The following MORF4L2 variants were observed in gnomAD, a reference collection of about 807,000 sequenced individuals.
The protein encoded by MORF4L2 is mortality factor 4-like protein 2.
MORF4L2 carries 1 observed loss-of-function variant against 12.0 expected under a neutral mutation model. The ratio of observed to expected loss-of-function variants is 0.08; its 90% CI spans 0.03 to 0.40. MORF4L2 has a LOEUF of 0.40. Ranked by LOEUF, MORF4L2 falls within the 10% of genes least tolerant of loss-of-function variation. MORF4L2 has a pLI of 0.98. For synonymous variants in MORF4L2, 69 were observed against 81.6 expected (o/e 0.85, Z 0.83); for missense variants, 123 against 214.0 (o/e 0.57, Z 2.65).
At chrX:103,687,116 TC>T (rs1269263132), upstream of MORF4L2, among the ~76,000 whole-genome samples, 1 of 108,426 alleles carries the variant, frequency 9.2e-6, no homozygotes, top group East Asian at 2.9e-4. Context: ...TTTTTTTTTT[TC>T]CTGCAGGGAG....
chrX:103,677,340 G>T (rs1214175438), intron 3 of MORF4L2, among the ~76,000 whole-genome samples: 1 of 111,978 alleles, frequency 8.9e-6, no homozygotes, highest in Non-Finnish European at 1.9e-5. Flanking sequence ...AAGAAAGAAG[G>T]AATTAAATGA....
chrX:103,677,497 A>G, intron 3 of MORF4L2, among the ~76,000 whole-genome samples: 1 of 112,407 alleles, frequency 8.9e-6, no homozygotes, highest in South Asian at 3.7e-4. Flanking sequence ...GGCCTGAATT[A>G]GGATGATGAC....
Position 103,676,847 on chromosome X carries a change from C to T in MORF4L2, c.181G>A (p.Gly61Ser), listed in dbSNP as rs1462468988. Residue 61 changes from glycine to serine, a missense_variant, in exon 4 of 4, where the codon GGT (glycine) becomes AGT (serine). Physicochemically the swap from Gly to Ser is moderately conservative, Grantham distance 56 (BLOSUM62 0). Coordinates refer to ENST00000441076, the MANE Select transcript of MORF4L2 (RefSeq NM_012286.3). The part of the protein sequence containing the change: ...LEPALPGRWG[G>S]RSAENPPSGS... The stretch of plus-strand genomic sequence containing the variant: ...GAAGGGGGGTTCTCTGCAGAGCGAC[C>T]ACCCCATCTTCCTGGGAGAGCTGGT... 8.3e-7 allele frequency: 1 copy of T among 1,202,794 alleles called. No individual in the cohort carries two copies. Among genetic ancestry groups the T allele is most frequent in the Non-Finnish European group, 1.1e-6 (1 of 893,416 alleles).
chrX:103,686,042 T>C (rs1365686240), intron 1 of MORF4L2, among the ~76,000 whole-genome samples: 1 of 109,766 alleles, frequency 9.1e-6, no homozygotes, highest in Non-Finnish European at 1.9e-5. Flanking sequence ...GTGTGTTCGA[T>C]TCAGGATCCA....
chrX:103,686,922 C>T (rs1323501540), upstream of MORF4L2: 1 of 110,377 alleles, frequency 9.1e-6, no homozygotes, highest in Non-Finnish European at 1.9e-5. Flanking sequence ...CAAACCAATC[C>T]TCTTCCTCCG....
intron 2 of MORF4L2, among the ~76,000 whole-genome samples, chrX:103,682,024 T>A (rs1269955862): frequency 9.0e-6 from 1 of 111,617 alleles, no homozygotes; most frequent in Non-Finnish European, 1.9e-5. Context: ...AATCTTTTCA[T>A]GTACATTCAC....
Position 103,676,060 on chromosome X carries a change from T to C in MORF4L2, c.*101A>G. On this transcript the variant is annotated 3_prime_UTR_variant, in exon 4 of 4. Coordinates refer to ENST00000441076, the MANE Select transcript of MORF4L2 (RefSeq NM_012286.3). ...ACAAACTGAAACATAAGCCCTGTTA[T>C]ACATTAACGATTTTAAAGAACATCA... 2 of 859,241 alleles carry C rather than the reference T, an allele frequency of 2.3e-6. No individual in the cohort carries two copies. The highest frequency in any genetic ancestry group is 1.6e-6 in the Non-Finnish European group (1 of 611,187). 70.8% of individuals were successfully genotyped at this position (859,241 alleles called of 1,213,427 possible).
chrX:103,686,305 T>C (rs2147705168), intron 1 of MORF4L2, among the ~76,000 whole-genome samples: 1 of 112,016 alleles, frequency 8.9e-6, no homozygotes, highest in East Asian at 2.8e-4. Flanking sequence ...AGCGAATTTA[T>C]ATAATTTATA....
At chrX:103,681,974 C>A (rs906411952) in intron 2 of MORF4L2, among the ~76,000 whole-genome samples, 10 of 110,980 alleles carry the variant, frequency 9.0e-5, no homozygotes, top group African/African-American at 2.9e-4. Flanking sequence ...CTCTCCCACC[C>A]CAATCCTAGG....
rs2074069544 is a variant in MORF4L2, at chrX:103,685,190, G to A, written c.-197C>T. On this transcript the variant is annotated 5_prime_UTR_variant, in exon 2 of 4. Coordinates refer to ENST00000441076, the MANE Select transcript of MORF4L2 (RefSeq NM_012286.3). ...ACTTACCCAAGATTCTGTAATCAGG[G>A]AAGGTTCTGCAATCAGGATCAGATC... 8.9e-6 allele frequency: 1 copy of A among 112,262 alleles called. No individual in the cohort carries two copies. 9.3% of individuals were successfully genotyped at this position (112,262 alleles called of 1,213,427 possible).
At chrX:103,683,308 C>T (rs1302014078) in intron 2 of MORF4L2, among the ~76,000 whole-genome samples, 2 of 111,974 alleles carry the variant, frequency 1.8e-5, no homozygotes, top group Non-Finnish European at 3.8e-5. Context: ...CCACACACCG[C>T]GGCCTCCCAA....
At chrX:103,683,157 C>T (rs1222455437) in intron 2 of MORF4L2, among the ~76,000 whole-genome samples, 1 of 110,906 alleles carries the variant, frequency 9.0e-6, no homozygotes, top group East Asian at 2.8e-4. Flanking sequence ...TGGCTCACTG[C>T]AACCTCCGCC....
chrX:103,685,282 C>A (rs1245774624), intron 1 of MORF4L2, 22 bp from the exon 2 acceptor site: 1 of 110,665 alleles, frequency 9.0e-6, no homozygotes, highest in Admixed American at 9.5e-5. Flanking sequence ...AACAAAAGGA[C>A]AAGAAAGAAC....
intron 1 of MORF4L2, among the ~76,000 whole-genome samples, chrX:103,685,756 G>A (rs2074087275): frequency 9.0e-6 from 1 of 110,630 alleles, no homozygotes; most frequent in African/African-American, 3.3e-5. Flanking sequence ...TTAATTTAGG[G>A]CCAATTTTGT....
chrX:103,683,103 C>T (rs1393925767), intron 2 of MORF4L2, among the ~76,000 whole-genome samples: 3 of 109,028 alleles, frequency 2.8e-5, no homozygotes, highest in Admixed American at 2.0e-4. Flanking sequence ...TTTTTTGAGA[C>T]GGAGTCTCGC....
intron 2 of MORF4L2, among the ~76,000 whole-genome samples, chrX:103,682,998 G>A (rs1276840616): frequency 8.9e-6 from 1 of 112,080 alleles, no homozygotes; most frequent in Non-Finnish European, 1.9e-5. Flanking sequence ...TATGAAATAC[G>A]GTTTTGTAAC....
chrX:103,676,053 C>A lies in MORF4L2; in HGVS notation c.*108G>T. The A allele has an allele frequency of 1.3e-6, 1 of 792,853 alleles. No individual in the cohort carries two copies. The highest frequency in any genetic ancestry group is 3.0e-5 in the South Asian group (1 of 33,278). The allele number at this position is 792,853 out of a possible 1,213,427, so 65.3% of individuals were successfully genotyped here. The stretch of plus-strand genomic sequence containing the variant: ...ACGGAAAACAAACTGAAACATAAGC[C>A]CTGTTATACATTAACGATTTTAAAG... On this transcript the variant is annotated 3_prime_UTR_variant, in exon 4 of 4. Coordinates refer to ENST00000441076, the MANE Select transcript of MORF4L2 (RefSeq NM_012286.3).
chrX:103,679,860 CAAAAAAAA>C (rs1157909391), intron 2 of MORF4L2, among the ~76,000 whole-genome samples: 1 of 47,736 alleles, frequency 2.1e-5, no homozygotes, highest in Non-Finnish European at 3.5e-5. Flanking sequence ...CACCTGTGGG[CAAAAAAAA>C]AAAAAAAAAA....
At position 103,676,242 on chromosome X, in the gene MORF4L2, A is replaced by G. The variant is rs1479002605; in HGVS notation, c.786T>C (p.Tyr262=). Residue 262 remains tyrosine (Y), a synonymous_variant, in exon 4 of 4, where the codon TAT becomes TAC. Transcript: ENST00000441076. ...LLGYLHDFLK[Y]LAKNSASLFT... ...AGAGAGATGCAGAATTCTTTGCCAG[A>G]TATTTTAGGAAATCATGCAAATAGC... 1.4e-5 allele frequency: 17 copies of G among 1,211,247 alleles called. No individual in the cohort carries two copies. The highest frequency in any genetic ancestry group is 1.8e-5 in the Non-Finnish European group (16 of 895,026).
Sources: gnomAD v4.1 joint callset for allele counts (sites outside exome capture counted in the v4.1 genomes callset) on GRCh38, gnomAD v4.1.1 for gene constraint, MANE v1.5 for transcripts, NCBI Gene and HGNC (gene_info 2026-07-23, HGNC 2026-07-21) for gene names.